COL14A1: variants seen among roughly 807,000 people sequenced by gnomAD.
COL14A1 encodes collagen type XIV alpha 1 chain.
Under a neutral mutation model 230.3 loss-of-function variants are expected in COL14A1, and 136 were observed. The ratio of observed to expected loss-of-function variants is 0.59; its 90% CI spans 0.51 to 0.68. The LOEUF (loss-of-function observed/expected upper bound fraction) is 0.68. Among genes scored for constraint, COL14A1 ranks in the 30% least tolerant of loss-of-function variants. The pLI, the probability that COL14A1 is intolerant of heterozygous loss-of-function variation, is 0.00. For missense variants in COL14A1, 1,976 were observed against 2,215.8 expected, an observed-to-expected ratio of 0.89 and a Z score of 2.17; for synonymous variants, 792 against 784.1, an observed-to-expected ratio of 1.01 and a Z score of -0.17.
intron 28 of COL14A1, among the ~76,000 whole-genome samples, chr8:120,278,953 T>C (rs1033709473): frequency 3.9e-5 from 6 of 151,970 alleles, no homozygotes; most frequent in Admixed American, 2.6e-4. Flanking sequence ...ATATAAGCCA[T>C]GGAATACTAT....
chr8:120,309,680 A>G (rs1424942444), intron 36 of COL14A1, among the ~76,000 whole-genome samples: 6 of 152,198 alleles, frequency 3.9e-5, no homozygotes, highest in African/African-American at 1.2e-4. Context: ...TGTATGTTTT[A>G]TAACATATAT....
intron 31 of COL14A1, 47 bp downstream of exon 31, chr8:120,281,106 T>G (rs763309101): frequency 1.9e-6 from 3 of 1,541,894 alleles, no homozygotes; most frequent in South Asian, 2.4e-5. Flanking sequence ...GTTTATTATA[T>G]CTCACTGTGA....
Position 120,367,223 on chromosome 8 carries a change from T to C in COL14A1, c.5130T>C (p.Gly1710=). Residue 1710 remains glycine (G), a synonymous_variant, in exon 46 of 48, where the codon GGT becomes GGC. Coordinates refer to ENST00000297848, the MANE Select transcript of COL14A1 (RefSeq NM_021110.4). ...GAAATCCAGGCGTTGGAACCCAAGG[T>C]CCAAGAGGCCCCCCTGGACCAGCAG... ...EKGNPGVGTQ[G]PRGPPGPAGP... 1 of 1,613,568 alleles carries C rather than the reference T, an allele frequency of 6.2e-7. No individual in the cohort carries two copies. The highest frequency in any genetic ancestry group is 8.5e-7 in the Non-Finnish European group (1 of 1,179,766).
At chr8:120,141,020 G>A (rs1829766970) in intron 1 of COL14A1, among the ~76,000 whole-genome samples, 1 of 152,156 alleles carries the variant, frequency 6.6e-6, no homozygotes, top group Admixed American at 6.6e-5. Flanking sequence ...AAAAATCAAG[G>A]CAGAGTTATT....
intron 35 of COL14A1, among the ~76,000 whole-genome samples, chr8:120,298,800 A>G (rs186916497): frequency 6.6e-6 from 1 of 150,980 alleles, no homozygotes; most frequent in East Asian, 2.0e-4. Flanking sequence ...TTATAACCGT[A>G]TTAGTTTGTT....
At chr8:120,150,832 G>C (rs761314061) in intron 2 of COL14A1, among the ~76,000 whole-genome samples, 1 of 151,946 alleles carries the variant, frequency 6.6e-6, no homozygotes, top group African/African-American at 2.4e-5. Context: ...GATTATATTC[G>C]AATTGTATTT....
At chr8:120,319,762 C>G (rs1192893198) in intron 40 of COL14A1, among the ~76,000 whole-genome samples, 7 of 151,856 alleles carry the variant, frequency 4.6e-5, no homozygotes, top group African/African-American at 1.7e-4. Flanking sequence ...ATAAGCAAGT[C>G]TGGTAAAAAC....
In COL14A1 at chr8:120,145,804, G is replaced by A. The variant is rs1439951883; in HGVS notation, c.-37-2002G>A. Reference sequence around the variant, plus strand: ...TTTCCAAATAAAAGTAGGTAAATAAGTTGTGATACCGCATATAGTAAAAGG... The same window carrying A: ...TTTCCAAATAAAAGTAGGTAAATAAATTGTGATACCGCATATAGTAAAAGG... On this transcript the variant is annotated intron_variant, in intron 1 of 47. Transcript: ENST00000297848. 3.9e-5 allele frequency among the ~76,000 whole-genome samples: 6 copies of A among 152,166 alleles called. No homozygotes were observed. The East Asian group carries it at 1.2e-3, about 29-fold the overall frequency.
intron 17 of COL14A1, 45 bp downstream of exon 17, chr8:120,227,397 T>C (rs1818132686): frequency 1.2e-6 from 2 of 1,610,636 alleles, no homozygotes; most frequent in Admixed American, 1.7e-5. Flanking sequence ...GCTCCCACAA[T>C]CCCTCTTTAC....
At chr8:120,167,927 G>C (rs1815963249) in intron 4 of COL14A1, among the ~76,000 whole-genome samples, 1 of 152,182 alleles carries the variant, frequency 6.6e-6, no homozygotes, top group Admixed American at 6.5e-5. Flanking sequence ...TGACACATCT[G>C]CCCATAGTGC....
intron 35 of COL14A1, 109 bp from the exon 36 acceptor site, chr8:120,300,623 G>A: frequency 1.2e-6 from 1 of 806,470 alleles, no homozygotes; most frequent in South Asian, 1.7e-5. Flanking sequence ...TTTCTAATGT[G>A]CACTTGAAAA....
At chr8:120,194,643 C>T (rs988313196) in intron 5 of COL14A1, among the ~76,000 whole-genome samples, 2 of 152,010 alleles carry the variant, frequency 1.3e-5, no homozygotes, top group Non-Finnish European at 2.9e-5. Flanking sequence ...ATTTTTTAAA[C>T]CAGAAAATAC....
intron 1 of COL14A1, among the ~76,000 whole-genome samples, chr8:120,133,109 A>G (rs1294851106): frequency 2.0e-5 from 3 of 151,904 alleles, no homozygotes; most frequent in Admixed American, 1.3e-4. Context: ...CCAGCTACAC[A>G]GGAGGCTGAG....
chr8:120,266,842 G>C lies in COL14A1; in HGVS notation c.3032G>C (p.Arg1011Pro). 1 of 1,611,996 alleles carries C rather than the reference G, an allele frequency of 6.2e-7. No homozygotes were observed. Among genetic ancestry groups the C allele is most frequent in the South Asian group, 1.1e-5 (1 of 90,970 alleles). The change falls in exon 25 of 48, where the codon CGA becomes CCA. Residue 1011 changes from arginine (R) to proline (P), a missense_variant. Arg to Pro is a moderately radical substitution (Grantham distance 103, BLOSUM62 -2). Coordinates refer to ENST00000297848, the MANE Select transcript of COL14A1 (RefSeq NM_021110.4). The stretch of plus-strand genomic sequence containing the variant: ...TCCTTTACAGAATCACTTCCTACAC[G>C]ACCACCAACTTTTCCTCCAACCATT... ...IMEKTQSLPT[R>P]PPTFPPTIPP...
chr8:120,342,762 T>C (rs954681871), intron 44 of COL14A1, among the ~76,000 whole-genome samples: 4 of 152,142 alleles, frequency 2.6e-5, no homozygotes, highest in Admixed American at 2.0e-4. Flanking sequence ...GTGGGTAGGA[T>C]TTTTTCTCAA....
intron 14 of COL14A1, among the ~76,000 whole-genome samples, chr8:120,218,893 A>G (rs1423933560): frequency 6.6e-6 from 1 of 152,166 alleles, no homozygotes; most frequent in Non-Finnish European, 1.5e-5. Context: ...AAACCTATCA[A>G]TTTAAAAGAG....
At chr8:120,256,568 C>CCCAA (rs1414382507) in intron 23 of COL14A1, among the ~76,000 whole-genome samples, 2 of 152,120 alleles carry the variant, frequency 1.3e-5, no homozygotes, top group Non-Finnish European at 2.9e-5. Context: ...ATTGGCTTGA[C>CCCAA]ATTTGGGAGT....
intron 23 of COL14A1, among the ~76,000 whole-genome samples, chr8:120,259,933 A>T (rs191685344): frequency 1.3e-5 from 2 of 152,262 alleles, no homozygotes; most frequent in Admixed American, 1.3e-4. Flanking sequence ...CCATAGACTA[A>T]ACTTGGACCT....
chr8:120,281,428 T>A (rs1351263170), intron 31 of COL14A1, among the ~76,000 whole-genome samples: 1 of 151,714 alleles, frequency 6.6e-6, no homozygotes, highest in Non-Finnish European at 1.5e-5. Context: ...AGCTGGGCAT[T>A]GTAGTGTGCA....
Sources: gnomAD v4.1 joint callset for allele counts (sites outside exome capture counted in the v4.1 genomes callset) on GRCh38, gnomAD v4.1.1 for gene constraint, MANE v1.5 for transcripts, NCBI Gene and HGNC (gene_info 2026-07-23, HGNC 2026-07-21) for gene names.